ENAM: variants seen among roughly 807,000 people sequenced by gnomAD.
ENAM encodes enamelin, also known as amelogenesis imperfecta 2, hypocalcification (autosomal dominant).
In ENAM, 21 loss-of-function variants were observed where a neutral mutation model predicts 33.6. That is an observed-to-expected ratio of 0.63 (90% confidence interval 0.44 to 0.90). The LOEUF is 0.90. Among genes scored for constraint, ENAM ranks in the 40% least tolerant of loss-of-function variants. The pLI is 0.00. For synonymous variants in ENAM, 473 were observed against 468.4 expected, an observed-to-expected ratio of 1.01 and a Z score of -0.13; for missense variants, 1,388 against 1,366.9, an observed-to-expected ratio of 1.02 and a Z score of -0.24.
intron 2 of ENAM, among the ~76,000 whole-genome samples, chr4:70,630,545 T>C (rs1406491122): frequency 6.6e-6 from 1 of 152,214 alleles, no homozygotes; most frequent in East Asian, 1.9e-4. Context: ...TGTTCCAAGA[T>C]GTAAATACGA....
intron 8 of ENAM, among the ~76,000 whole-genome samples, chr4:70,638,715 AAT>A (rs1233275168): frequency 6.6e-6 from 1 of 151,774 alleles, no homozygotes. Flanking sequence ...CTGTGAAAAC[AAT>A]AGTCTCATCT....
rs892961279 is a variant in ENAM at position 70,642,597 on chromosome 4, T to A, written c.1171T>A (p.Tyr391Asn). The change falls in exon 9 of 9, where the codon TAT (tyrosine) becomes AAT (asparagine). Residue 391 changes from tyrosine to asparagine, a missense_variant. By Grantham distance (143) the Tyr-to-Asn change is moderately radical. Transcript: ENST00000396073. ...KAYPPTSRGNYPNYAGNPANL... is the reference protein window; with the variant it reads ...KAYPPTSRGNNPNYAGNPANL... ...TTACCCTCCTACTTCAAGAGGCAAT[T>A]ATCCCAATTATGCAGGAAATCCAGC... 2 of 1,613,872 alleles carry A rather than the reference T, an allele frequency of 1.2e-6. No homozygotes were observed. Among genetic ancestry groups the A allele is most frequent in the Non-Finnish European group, 1.7e-6 (2 of 1,179,978 alleles).
Position 70,629,568 on chromosome 4 carries a change from T to A in ENAM, c.54+14T>A, listed in dbSNP as rs770007828. On this transcript the variant is annotated intron_variant, in intron 2 of 8. Transcript: ENST00000396073. ...CTAGATAACTTGGTGAGTACTTTCA[T>A]TTATTTTTGCCAATACATACAGGTT... 1 of 1,602,404 alleles carries A rather than the reference T, an allele frequency of 6.2e-7. No homozygotes were observed. Among genetic ancestry groups the A allele is most frequent in the Non-Finnish European group, 8.6e-7 (1 of 1,169,384 alleles).
intron 2 of ENAM, among the ~76,000 whole-genome samples, chr4:70,630,962 A>G (rs957212671): frequency 6.6e-6 from 1 of 151,962 alleles, no homozygotes; most frequent in Non-Finnish European, 1.5e-5. Flanking sequence ...AGCTGGTCTC[A>G]AGCTCCTGTC....
chr4:70,640,180 AT>A (rs1738563655), intron 8 of ENAM, among the ~76,000 whole-genome samples: 1 of 152,212 alleles, frequency 6.6e-6, no homozygotes, highest in South Asian at 2.1e-4. Context: ...GAGAAGCATA[AT>A]GTTTTCATTC....
At chr4:70,639,063 C>T (rs760030397) in intron 8 of ENAM, among the ~76,000 whole-genome samples, 7 of 152,032 alleles carry the variant, frequency 4.6e-5, no homozygotes, top group Admixed American at 1.3e-4. Flanking sequence ...TCCCAAAGTG[C>T]TGGGATTACA....
At chr4:70,641,758 A>C (rs910228548) in intron 8 of ENAM, among the ~76,000 whole-genome samples, 2 of 152,174 alleles carry the variant, frequency 1.3e-5, no homozygotes, top group Non-Finnish European at 2.9e-5. Context: ...ACAGAAAAAC[A>C]AACAAAAACC....
In ENAM at chr4:70,642,891, G is replaced by T; in HGVS notation, c.1465G>T (p.Asp489Tyr). 7 of 1,614,024 alleles carry T rather than the reference G, an allele frequency of 4.3e-6. No individual in the cohort carries two copies. Among genetic ancestry groups the T allele is most frequent in the Non-Finnish European group, 5.9e-6 (7 of 1,180,016 alleles). Reference sequence around the variant, plus strand: ...GCCAGTCCCAAATTTTAATTCTGTTGATCAACATGAAAACTCCTATTACCC... The same window carrying T: ...GCCAGTCCCAAATTTTAATTCTGTTTATCAACATGAAAACTCCTATTACCC... ...YMPVPNFNSV[D>Y]QHENSYYPRG... is the part of the protein sequence containing the mutation. Residue 489 changes from aspartate (D) to tyrosine (Y), a missense_variant, in exon 9 of 9, where the codon GAT (aspartate) becomes TAT (tyrosine). Physicochemically the swap from Asp to Tyr is radical, Grantham distance 160. Transcript: ENST00000396073.
chr4:70,643,173 CAAG>C lies in ENAM; in HGVS notation c.1753_1755del (p.Glu585del). On this transcript the variant is annotated inframe_deletion, in exon 9 of 9. Transcript: ENST00000396073. ...ACCTTTTAAGGAAGATCCAGGGAGG[CAAG>C]AAGAACATTTACCCCATCCTTCCCA... 2 of 1,613,616 alleles carry C rather than the reference CAAG, an allele frequency of 1.2e-6. No individual in the cohort carries two copies. Among genetic ancestry groups the C allele is most frequent in the South Asian group, 1.1e-5 (1 of 91,034 alleles).
chr4:70,634,536 C>T lies in ENAM; in HGVS notation c.439C>T (p.Pro147Ser), dbSNP rs907639982. The part of the protein sequence containing the change: ...RPLKQPSHNQ[P>S]QPEEEAQPPQ... ...TTTGAAGCAGCCATCACATAATCAACCTCAGCCCGAAGAGGAAGCTCAACC... is the reference window on the plus strand; with the variant it reads ...TTTGAAGCAGCCATCACATAATCAATCTCAGCCCGAAGAGGAAGCTCAACC... The change falls in exon 6 of 9, where the codon CCT becomes TCT. Residue 147 changes from proline to serine, a missense_variant. By Grantham distance (74) the Pro-to-Ser change is moderately conservative (BLOSUM62 -1). Transcript: ENST00000396073. 1.9e-6 allele frequency: 3 copies of T among 1,614,190 alleles called. No homozygotes were observed. The highest frequency in any genetic ancestry group is 1.7e-5 in the Admixed American group (1 of 60,018).
intron 2 of ENAM, among the ~76,000 whole-genome samples, chr4:70,630,658 T>C (rs1225246722): frequency 1.3e-5 from 2 of 152,130 alleles, no homozygotes; most frequent in Non-Finnish European, 2.9e-5. Context: ...ATATGTTTAA[T>C]CAAGGTATCT....
Position 70,635,916 on chromosome 4 carries a change from A to G in ENAM, c.534+22A>G, listed in dbSNP as rs535528855. 6.4e-5 allele frequency: 87 copies of G among 1,360,878 alleles called. No individual in the cohort carries two copies. The East Asian group carries it at 1.7e-3, about 26-fold the overall frequency. The allele number at this position is 1,360,878 out of a possible 1,614,324, so 84.3% of individuals were successfully genotyped here. A position where few individuals can be genotyped will look rare whatever the true frequency, so the allele number is the denominator to read the frequency against. ...ACAGGTGAGAAATTTTTTTTTCTTT[A>G]CACTGTAAGTGAAAAATAATATTAG... On this transcript the variant is annotated intron_variant, in intron 7 of 8. Transcript: ENST00000396073.
intron 8 of ENAM, among the ~76,000 whole-genome samples, chr4:70,638,241 T>C (rs1200188573): frequency 6.6e-6 from 1 of 152,110 alleles, no homozygotes; most frequent in Non-Finnish European, 1.5e-5. Flanking sequence ...CTTTTTACTA[T>C]ACCACACTAG....
At position 70,643,800 on chromosome 4, in the gene ENAM, C is replaced by T. The variant is rs1560405291; in HGVS notation, c.2374C>T (p.His792Tyr). The T allele has an allele frequency of 6.2e-7, 1 of 1,614,156 alleles. No homozygotes were observed. Reference sequence around the variant, plus strand: ...CAGAAATATCTGGGATCAGGCAACACATTTACAAAAAGCCCCAGCTAGGCC... The same window carrying T: ...CAGAAATATCTGGGATCAGGCAACATATTTACAAAAAGCCCCAGCTAGGCC... ...FNRNIWDQATHLQKAPARPPD... is the reference protein window; with the variant it reads ...FNRNIWDQATYLQKAPARPPD... Residue 792 changes from histidine (H) to tyrosine (Y), a missense_variant, in exon 9 of 9, where the codon CAT becomes TAT. Coordinates refer to ENST00000396073, the MANE Select transcript of ENAM (RefSeq NM_031889.3).
In ENAM at chr4:70,634,486, CAA is replaced by C; in HGVS notation, c.394_395del (p.Lys132AlafsTer13). Reference sequence around the variant, plus strand: ...ACCCAGAAACCCAACCAGACTCAGTCAAAAAAGCCACCACAAAAGCGGCCTTT... The same window carrying C: ...ACCCAGAAACCCAACCAGACTCAGTCAAAAGCCACCACAAAAGCGGCCTTT... On this transcript the variant is annotated frameshift_variant, in exon 6 of 9. Coordinates refer to ENST00000396073, the MANE Select transcript of ENAM (RefSeq NM_031889.3). LOFTEE classifies it high-confidence loss of function. 1 of 1,614,070 alleles carries C rather than the reference CAA, an allele frequency of 6.2e-7. No individual in the cohort carries two copies. The highest frequency in any genetic ancestry group is 8.5e-7 in the Non-Finnish European group (1 of 1,179,990).
rs1165693378 is a variant in ENAM, at chr4:70,645,238, T to A, written c.*383T>A. ...GCAGATTAACTTTCCATTCTACTTATGGAGATCCACACATCAGTATAGTCC... is the reference window on the plus strand; with the variant it reads ...GCAGATTAACTTTCCATTCTACTTAAGGAGATCCACACATCAGTATAGTCC... On this transcript the variant is annotated 3_prime_UTR_variant, in exon 9 of 9. Transcript: ENST00000396073. 4 of 270,268 alleles carry A rather than the reference T, an allele frequency of 1.5e-5. No individual in the cohort carries two copies. Among genetic ancestry groups the A allele is most frequent in the Middle Eastern group, 1.1e-3 (1 of 888 alleles). The allele number at this position is 270,268 out of a possible 1,614,324, so 16.7% of individuals were successfully genotyped here.
chr4:70,632,541 T>C, intron 4 of ENAM, 110 bp from the exon 5 acceptor site: 1 of 822,364 alleles, frequency 1.2e-6, no homozygotes. Context: ...ATTTTTACAC[T>C]GGGAAGTTCT....
In ENAM at chr4:70,634,410, C is replaced by T. The variant is rs750910565; in HGVS notation, c.313C>T (p.Arg105Trp). The change falls in exon 6 of 9, where the codon CGG (arginine) becomes TGG (tryptophan). Residue 105 changes from arginine (R) to tryptophan (W), a missense_variant. Transcript: ENST00000396073. ...GCCACCACCCAACACATGGCATCCA[C>T]GGAAATCCTCAGCACCCAAACGTCA... ...PQPPPNTWHP[R>W]KSSAPKRHNK... 29 of 1,614,008 alleles carry T rather than the reference C, an allele frequency of 1.8e-5. No homozygotes were observed. Among genetic ancestry groups the T allele is most frequent in the South Asian group, 2.2e-5 (2 of 91,092 alleles).
Position 70,642,453 on chromosome 4 carries a change from C to T in ENAM, c.1027C>T (p.His343Tyr), listed in dbSNP as rs1376872674. 6.2e-7 allele frequency: 1 copy of T among 1,613,996 alleles called. No individual in the cohort carries two copies. Among genetic ancestry groups the T allele is most frequent in the Admixed American group, 1.7e-5 (1 of 60,022 alleles). Reference sequence around the variant, plus strand: ...GTATTTCACTGGTACTGTCATGGGGCACAGACAGAATAGGCCTTTTTACAG... The same window carrying T: ...GTATTTCACTGGTACTGTCATGGGGTACAGACAGAATAGGCCTTTTTACAG... Reference protein sequence around the residue: ...QWYFTGTVMGHRQNRPFYRNQ... With the variant: ...QWYFTGTVMGYRQNRPFYRNQ... The change falls in exon 9 of 9, where the codon CAC (histidine) becomes TAC (tyrosine). Residue 343 changes from histidine (H) to tyrosine (Y), a missense_variant. By Grantham distance (83) the His-to-Tyr change is moderately conservative. Transcript: ENST00000396073.
Sources: gnomAD v4.1 joint callset for allele counts (sites outside exome capture counted in the v4.1 genomes callset) on GRCh38, gnomAD v4.1.1 for gene constraint, MANE v1.5 for transcripts, NCBI Gene and HGNC (gene_info 2026-07-23, HGNC 2026-07-21) for gene names.